TACR3: variants seen among roughly 807,000 people sequenced by gnomAD.
The protein encoded by TACR3 is tachykinin receptor 3.
In TACR3, 34 loss-of-function variants were observed where a neutral mutation model predicts 35.0. The observed-to-expected ratio is 0.97, with a 90% CI of 0.74 to 1.30. The LOEUF (loss-of-function observed/expected upper bound fraction) is 1.30, where lower values mean the gene tolerates loss of function less well. Ranked by LOEUF, TACR3 falls within the 50% of genes most tolerant of loss-of-function variation. TACR3 has a pLI of 0.00. For missense variants in TACR3, 558 were observed against 591.7 expected, an observed-to-expected ratio of 0.94 and a Z score of 0.59; for synonymous variants, 233 against 221.1, an observed-to-expected ratio of 1.05 and a Z score of -0.48.
chr4:103,626,520 C>T (rs1339662190), intron 3 of TACR3, among the ~76,000 whole-genome samples: 13 of 152,060 alleles, frequency 8.5e-5, no homozygotes, highest in Admixed American at 3.9e-4. Context: ...GAATGTGTGT[C>T]GGTTAGCAAA....
At chr4:103,689,893 A>T (rs773362753) in intron 1 of TACR3, among the ~76,000 whole-genome samples, 30 of 152,320 alleles carry the variant, frequency 2.0e-4, no homozygotes, top group African/African-American at 7.0e-4. Context: ...TAGGCACATC[A>T]TAAGTGCAGT....
chr4:103,623,931 G>C (rs1458956999), intron 3 of TACR3, among the ~76,000 whole-genome samples: 1 of 152,060 alleles, frequency 6.6e-6, no homozygotes, highest in Non-Finnish European at 1.5e-5. Flanking sequence ...GTTCTCCAGG[G>C]TATTTTGTTT....
chr4:103,651,194 T>C (rs1725612267), intron 3 of TACR3, among the ~76,000 whole-genome samples: 1 of 150,670 alleles, frequency 6.6e-6, no homozygotes, highest in Non-Finnish European at 1.5e-5. Flanking sequence ...CCAGAGTTCC[T>C]CCTAGGTGGG....
chr4:103,695,242 C>G (rs926867470), intron 1 of TACR3, among the ~76,000 whole-genome samples: 1 of 152,136 alleles, frequency 6.6e-6, no homozygotes, highest in African/African-American at 2.4e-5. Context: ...TTGAACTACA[C>G]AGGTCCACTT....
In TACR3 at chr4:103,589,775, A is replaced by T. The variant is rs746010109; in HGVS notation, c.1305T>A (p.Ser435Arg). 14 of 1,613,838 alleles carry T rather than the reference A, an allele frequency of 8.7e-6. No homozygotes were observed. Among genetic ancestry groups the T allele is most frequent in the Non-Finnish European group, 6.8e-6 (8 of 1,179,896 alleles). ...RKKRATPRDPSFNGCSRRNSK... is the reference protein window; with the variant it reads ...RKKRATPRDPRFNGCSRRNSK... ...AATTCCTGCGAGAGCAGCCATTGAAACTTGGGTCTCTTGGCGTTGCTCTTT... is the reference window on the plus strand; with the variant it reads ...AATTCCTGCGAGAGCAGCCATTGAATCTTGGGTCTCTTGGCGTTGCTCTTT... The change falls in exon 5 of 5, where the codon AGT (serine) becomes AGA (arginine). Residue 435 changes from serine (S) to arginine (R), a missense_variant. By Grantham distance (110) the Ser-to-Arg change is moderately radical. Transcript: ENST00000304883.
At chr4:103,716,381 T>C (rs1015258170) in intron 1 of TACR3, among the ~76,000 whole-genome samples, 6 of 152,100 alleles carry the variant, frequency 3.9e-5, no homozygotes, top group African/African-American at 1.2e-4. Flanking sequence ...CAGGACTTTG[T>C]AGCAAATCAG....
chr4:103,703,991 C>A (rs56036435), intron 1 of TACR3, among the ~76,000 whole-genome samples: 2 of 151,004 alleles, frequency 1.3e-5, no homozygotes, highest in Non-Finnish European at 2.9e-5. Context: ...CTAGTCCCAG[C>A]TATGCAGGAG....
chr4:103,600,911 T>G (rs1301860337), intron 3 of TACR3, among the ~76,000 whole-genome samples: 3 of 152,164 alleles, frequency 2.0e-5, no homozygotes, highest in Admixed American at 2.0e-4. Flanking sequence ...AGGTGTGGTG[T>G]GGTGCTGAAA....
chr4:103,638,954 G>A (rs1246457400), intron 3 of TACR3, among the ~76,000 whole-genome samples: 3 of 152,142 alleles, frequency 2.0e-5, no homozygotes, highest in Non-Finnish European at 4.4e-5. Context: ...GTGCTGGAGA[G>A]GATGTGGGGA....
intron 3 of TACR3, among the ~76,000 whole-genome samples, chr4:103,597,223 G>A (rs1724051151): frequency 6.7e-6 from 1 of 149,288 alleles, no homozygotes; most frequent in Admixed American, 6.7e-5. Context: ...CACCAACAGT[G>A]TAAAAGTGTT....
At chr4:103,676,896 A>G (rs1560527106) in intron 1 of TACR3, among the ~76,000 whole-genome samples, 2 of 152,210 alleles carry the variant, frequency 1.3e-5, no homozygotes, top group Non-Finnish European at 1.5e-5. Flanking sequence ...TCTTCACAGC[A>G]AAAGAAACTA....
chr4:103,709,024 C>G (rs1013297939), intron 1 of TACR3, among the ~76,000 whole-genome samples: 10 of 152,076 alleles, frequency 6.6e-5, no homozygotes, highest in African/African-American at 1.9e-4. Flanking sequence ...CCAAATCTAC[C>G]TCTGATTGGT....
intron 3 of TACR3, among the ~76,000 whole-genome samples, chr4:103,619,896 A>G (rs1651893063): frequency 6.6e-6 from 1 of 152,222 alleles, no homozygotes; most frequent in African/African-American, 2.4e-5. Context: ...TGCTAAGTTG[A>G]TAAGTGGGAC....
At chr4:103,680,502 C>G (rs1240128866) in intron 1 of TACR3, among the ~76,000 whole-genome samples, 1 of 147,492 alleles carries the variant, frequency 6.8e-6, no homozygotes, top group Non-Finnish European at 1.5e-5. Flanking sequence ...CATACACACA[C>G]ACACACACAC....
At chr4:103,621,349 A>C (rs1016968283) in intron 3 of TACR3, among the ~76,000 whole-genome samples, 1 of 152,194 alleles carries the variant, frequency 6.6e-6, no homozygotes, top group Non-Finnish European at 1.5e-5. Flanking sequence ...GGAGATAAGG[A>C]TGGAGATGAG....
At chr4:103,601,602 A>T (rs928596356) in intron 3 of TACR3, among the ~76,000 whole-genome samples, 1 of 152,174 alleles carries the variant, frequency 6.6e-6, no homozygotes, top group African/African-American at 2.4e-5. Context: ...ATCTCTCAGC[A>T]TTAGCTTGTC....
chr4:103,716,226 T>C (rs1723088116), intron 1 of TACR3, among the ~76,000 whole-genome samples: 1 of 141,930 alleles, frequency 7.0e-6, no homozygotes, highest in South Asian at 2.1e-4. Flanking sequence ...TGTGTGTGTG[T>C]GTGTGTGTGT....
chr4:103,601,380 T>C (rs1409341571), intron 3 of TACR3, among the ~76,000 whole-genome samples: 1 of 152,200 alleles, frequency 6.6e-6, no homozygotes, highest in African/African-American at 2.4e-5. Context: ...ATTTAGCCCA[T>C]TTACATTTAA....
At chr4:103,629,497 C>T (rs1416142577) in intron 3 of TACR3, among the ~76,000 whole-genome samples, 1 of 152,062 alleles carries the variant, frequency 6.6e-6, no homozygotes, top group African/African-American at 2.4e-5. Context: ...ACACCAATAG[C>T]AGACAAACAG....
Sources: gnomAD v4.1 joint callset for allele counts (sites outside exome capture counted in the v4.1 genomes callset) on GRCh38, gnomAD v4.1.1 for gene constraint, MANE v1.5 for transcripts, NCBI Gene and HGNC (gene_info 2026-07-23, HGNC 2026-07-21) for gene names.